LGI4: variants seen among roughly 807,000 people sequenced by gnomAD.
LGI4 encodes leucine rich repeat LGI family member 4.
A neutral mutation model predicts 48.3 loss-of-function variants in LGI4; 36 were observed. That is an observed-to-expected ratio of 0.75 (90% CI 0.57 to 0.98). The LOEUF (loss-of-function observed/expected upper bound fraction) is 0.98, where lower values mean the gene tolerates loss of function less well. LGI4 is among the 50% of genes least tolerant of loss of function. The pLI is 0.00. For synonymous variants in LGI4, 355 were observed against 331.6 expected (o/e 1.07, Z -0.77); for missense variants, 701 against 732.1 (o/e 0.96, Z 0.49).
chr19:35,133,333 T>G, intron 3 of LGI4: 2 of 1,109,132 alleles, frequency 1.8e-6, no homozygotes, highest in South Asian at 2.5e-5. Context: ...TCAGAGTTGT[T>G]TCCTGGTCAT....
intron 6 of LGI4, among the ~76,000 whole-genome samples, chr19:35,128,211 C>G (rs571573850): frequency 6.6e-6 from 1 of 152,312 alleles, no homozygotes; most frequent in East Asian, 1.9e-4. Flanking sequence ...TTTGTGACAG[C>G]GGCTTGGCTT....
chr19:35,128,535 C>A (rs1464209082), intron 6 of LGI4, among the ~76,000 whole-genome samples: 2 of 152,076 alleles, frequency 1.3e-5, no homozygotes, highest in Non-Finnish European at 2.9e-5. Context: ...ATGGTGAAAA[C>A]CCCATCTCTA....
intron 8 of LGI4, 165 bp from the exon 9 acceptor site, chr19:35,125,672 C>T (rs894114822): frequency 5.6e-6 from 4 of 717,638 alleles, no homozygotes; most frequent in Admixed American, 4.0e-5. Context: ...TGTTCTGAGC[C>T]CTTCCCTTGC....
intron 6 of LGI4, among the ~76,000 whole-genome samples, chr19:35,130,083 C>G (rs2065164471): frequency 6.6e-6 from 1 of 152,124 alleles, no homozygotes; most frequent in African/African-American, 2.4e-5. Flanking sequence ...GTCCTTTGCT[C>G]ACATGTTTTC....
At chr19:35,133,786 A>C (rs1370953259) in intron 2 of LGI4, 22 bp from the exon 3 acceptor site, 1 of 1,590,254 alleles carries the variant, frequency 6.3e-7, no homozygotes, top group Non-Finnish European at 8.6e-7. Context: ...GCAAGAAAGA[A>C]ATTTTTCCAG....
chr19:35,134,813 T>G lies in LGI4; in HGVS notation c.-133A>C. ...GCTCGGCCCTGGCTTCTCTCTCCTC[T>G]TCTCCGTCTTTCTTTCAGTCGGCCT... On this transcript the variant is annotated 5_prime_UTR_variant, in exon 1 of 9. Coordinates refer to ENST00000310123, the MANE Select transcript of LGI4 (RefSeq NM_139284.3). 1.8e-6 allele frequency: 1 copy of G among 567,322 alleles called. No individual in the cohort carries two copies. Among genetic ancestry groups the G allele is most frequent in the South Asian group, 2.2e-5 (1 of 45,550 alleles). 35.1% of individuals were successfully genotyped at this position (567,322 alleles called of 1,614,324 possible).
Position 35,131,667 on chromosome 19 carries a change from G to A in LGI4, c.459-112C>T, listed in dbSNP as rs1204451019. ...CAGAGATGGGGCCCCATAGTGGTAA[G>A]AAAAATACGTAAGAACCACTGCAGC... On this transcript the variant is annotated intron_variant, in intron 5 of 8. Transcript: ENST00000310123. The A allele has an allele frequency of 2.1e-6, 3 of 1,422,502 alleles. No homozygotes were observed. The African/African-American group carries it at 4.3e-5, about 20-fold the overall frequency. The allele number at this position is 1,422,502 out of a possible 1,614,324, so 88.1% of individuals were successfully genotyped here.
intron 6 of LGI4, among the ~76,000 whole-genome samples, chr19:35,130,209 T>A (rs1264735292): frequency 6.6e-6 from 1 of 152,152 alleles, no homozygotes; most frequent in East Asian, 1.9e-4. Context: ...CCGGCGCGGG[T>A]CCTCACTTGC....
rs746005371 is a variant in LGI4, at chr19:35,126,701, C to T, written c.868G>A (p.Gly290Ser). 1.8e-5 allele frequency: 28 copies of T among 1,538,016 alleles called. No homozygotes were observed. The highest frequency in any genetic ancestry group is 1.7e-4 in the Middle Eastern group (1 of 5,776). Residue 290 changes from glycine to serine, a missense_variant, in exon 8 of 9, where the codon GGC (glycine) becomes AGC (serine). Physicochemically the swap from Gly to Ser is moderately conservative, Grantham distance 56 (BLOSUM62 0). Around this residue, in one of 3 missense-constraint regions of LGI4, gnomAD observed 462 missense variants for 436.4 expected, o/e 1.06. Coordinates refer to ENST00000310123, the MANE Select transcript of LGI4 (RefSeq NM_139284.3). ...CTGGGCCGGGCCCACAGCTGTGAGC[C>T]CCCCCACAGGCGGGCAGCCAGCACG... is the stretch of plus-strand genomic sequence containing the variant. ...LFVLAARLWG[G>S]SQLWARPSPG...
intron 1 of LGI4, 117 bp downstream of exon 1, chr19:35,134,394 A>T: frequency 1.9e-6 from 2 of 1,079,334 alleles, no homozygotes; most frequent in Non-Finnish European, 2.7e-6. Context: ...TTTGCTGCCC[A>T]TCTCCTGAGA....
Position 35,134,654 on chromosome 19 carries a change from C to G in LGI4, c.27G>C (p.Leu9=). The G allele has an allele frequency of 6.5e-7, 1 of 1,536,952 alleles. No individual in the cohort carries two copies. Among genetic ancestry groups the G allele is most frequent in the Non-Finnish European group, 8.8e-7 (1 of 1,133,636 alleles). The part of the protein sequence containing the change: MGGAGILL[L]LLAGAGVVVA... ...CCACCACCCCCGCCCCAGCCAGCAG[C>G]AGCAGCAGAATGCCTGCCCCTCCCA... Residue 9 remains leucine, a synonymous_variant, in exon 1 of 9, where the codon CTG becomes CTC. Transcript: ENST00000310123.
intron 6 of LGI4, among the ~76,000 whole-genome samples, chr19:35,129,515 A>G (rs1224901178): frequency 1.3e-5 from 2 of 152,148 alleles, no homozygotes; most frequent in Non-Finnish European, 2.9e-5. Context: ...AACATGTGCT[A>G]TATTGACTCA....
Position 35,131,430 on chromosome 19 carries a change from T to C in LGI4, c.584A>G (p.Gln195Arg), listed in dbSNP as rs1250733051. The change falls in exon 6 of 9, where the codon CAG (glutamine) becomes CGG (arginine). Residue 195 changes from glutamine (Q) to arginine (R), a missense_variant. By Grantham distance (43) the Gln-to-Arg change is conservative. Coordinates refer to ENST00000310123, the MANE Select transcript of LGI4 (RefSeq NM_139284.3). The stretch of plus-strand genomic sequence containing the variant: ...AGTCTTGGGGTCGAGGTGGTGGAGC[T>C]GCATGTGGCTCAGGGAGGCGGGGCC... The part of the protein sequence containing the change: ...CAGPASLSHM[Q>R]LHHLDPKTFK... 1.9e-6 allele frequency: 3 copies of C among 1,552,352 alleles called. No individual in the cohort carries two copies. Among genetic ancestry groups the C allele is most frequent in the Non-Finnish European group, 2.6e-6 (3 of 1,147,254 alleles).
chr19:35,125,249 A>C lies in LGI4; in HGVS notation c.1558T>G (p.Cys520Gly). Residue 520 changes from cysteine to glycine, a missense_variant, in exon 9 of 9, where the codon TGC becomes GGC. By Grantham distance (159) the Cys-to-Gly change is radical (BLOSUM62 -3). This residue lies in a region of LGI4 where 223 missense variants were observed against 263.3 expected (regional missense o/e 0.85). Transcript: ENST00000310123. ...MAGRRFLFAA[C>G]FKGPTQIYQH... ...TAGATCTGTGTGGGGCCCTTAAAGC[A>C]AGCAGCAAAGAGGAAGCGTCTGCCG... The C allele has an allele frequency of 1.3e-6, 2 of 1,587,952 alleles. No individual in the cohort carries two copies. The highest frequency in any genetic ancestry group is 1.7e-6 in the Non-Finnish European group (2 of 1,165,544).
At position 35,126,849 on chromosome 19, in the gene LGI4, T is replaced by C. The variant is rs1188624956; in HGVS notation, c.793+4A>G. 1 of 1,609,064 alleles carries C rather than the reference T, an allele frequency of 6.2e-7. No individual in the cohort carries two copies. Among genetic ancestry groups the C allele is most frequent in the Non-Finnish European group, 8.5e-7 (1 of 1,178,988 alleles). ...ACAGGCAGAAGGACGGGGAGGGGGC[T>C]CACCGGGCAGCTCTTCCTCGGGCCG... On this transcript the variant is annotated splice_donor_region_variant and intron_variant, in intron 7 of 8. Coordinates refer to ENST00000310123, the MANE Select transcript of LGI4 (RefSeq NM_139284.3).
intron 6 of LGI4, among the ~76,000 whole-genome samples, chr19:35,129,583 A>C (rs2065161538): frequency 6.6e-6 from 1 of 152,206 alleles, no homozygotes; most frequent in South Asian, 2.1e-4. Context: ...GTTTGCAGGC[A>C]GTATGCTTGG....
At position 35,125,304 on chromosome 19, in the gene LGI4, G is replaced by A; in HGVS notation, c.1503C>T (p.Ala501=). ...TAGTGATGTGGGCAAAGGCACGGGG[G>A]GCCACCAGGGCCGGAGGCCCCAGCT... ...LQELGPPALV[A]PRAFAHITMA... Residue 501 remains alanine, a synonymous_variant, in exon 9 of 9, where the codon GCC becomes GCT. Coordinates refer to ENST00000310123, the MANE Select transcript of LGI4 (RefSeq NM_139284.3). 1 of 1,610,946 alleles carries A rather than the reference G, an allele frequency of 6.2e-7. No homozygotes were observed. The highest frequency in any genetic ancestry group is 8.5e-7 in the Non-Finnish European group (1 of 1,178,120).
chr19:35,127,406 C>A lies in LGI4; in HGVS notation c.629-389G>T, dbSNP rs1272877158. On this transcript the variant is annotated intron_variant, in intron 6 of 8. Transcript: ENST00000310123. ...ATGTTGCCCAGGTTGGTCTGGAATT[C>A]CTAGGCTCAAGAGATCCTCCTGCCT... Among the ~76,000 whole-genome samples, 3 of 152,108 alleles carry A rather than the reference C, an allele frequency of 2.0e-5. No homozygotes were observed. In the East Asian group the frequency reaches 5.8e-4, roughly 29 times the overall value.
intron 2 of LGI4, 80 bp from the exon 3 acceptor site, chr19:35,133,844 C>T (rs976914783): frequency 4.1e-6 from 6 of 1,479,672 alleles, no homozygotes; most frequent in Non-Finnish European, 5.5e-6. Context: ...CACCCTCAGC[C>T]TAGGTGGGCA....
Sources: allele counts gnomAD v4.1 joint callset (sites outside exome capture counted in the v4.1 genomes callset), GRCh38; gene constraint gnomAD v4.1.1; regional missense constraint gnomAD v4.1.1; transcripts MANE v1.5; gene names NCBI Gene and HGNC (gene_info 2026-07-23, HGNC 2026-07-21).